Variants in TMIGD3 observed in about 807,000 individuals in gnomAD.
TMIGD3 encodes the protein transmembrane and immunoglobulin domain containing 3, also known as AD026 protein (AD026).
In TMIGD3, 21 loss-of-function variants were observed where a neutral mutation model predicts 28.1. The observed-to-expected ratio is 0.75, with a 90% CI of 0.53 to 1.08. TMIGD3 has a LOEUF of 1.08. Among genes scored for constraint, TMIGD3 ranks in the 50% least tolerant of loss-of-function variants. TMIGD3 has a pLI of 0.00. For synonymous variants in TMIGD3, 151 were observed against 162.1 expected (o/e 0.93, Z 0.52); for missense variants, 416 against 435.6 (o/e 0.96, Z 0.40).
chr1:111,516,061 T>G (rs932907681), intron 1 of TMIGD3, among the ~76,000 whole-genome samples: 1 of 152,244 alleles, frequency 6.6e-6, no homozygotes, highest in Non-Finnish European at 1.5e-5. Flanking sequence ...AACCCCGTCA[T>G]GAGAGCAATT....
chr1:111,486,736 T>C, intron 3 of TMIGD3, 84 bp from the exon 4 acceptor site: 3 of 1,161,762 alleles, frequency 2.6e-6, no homozygotes, highest in Non-Finnish European at 2.6e-6. Flanking sequence ...CTGCCTGTCA[T>C]TCTATGTCCA....
chr1:111,539,749 T>C (rs1656754929), intron 1 of TMIGD3, among the ~76,000 whole-genome samples: 1 of 152,154 alleles, frequency 6.6e-6, no homozygotes, highest in Non-Finnish European at 1.5e-5. Context: ...ATATTGCAGG[T>C]TAATTTATGT....
Position 111,561,306 on chromosome 1 carries a change from T to C in TMIGD3, c.107+2540A>G, listed in dbSNP as rs574225859. ...GCCTGGCTAATTTTTGTATTTTTTG[T>C]AAAGACGGGGTTTTGCCATGTTTCC... On this transcript the variant is annotated intron_variant, in intron 1 of 5. Transcript: ENST00000369717. Among the ~76,000 whole-genome samples, 7 of 152,294 alleles carry C rather than the reference T, an allele frequency of 4.6e-5. No homozygotes were observed. The East Asian group carries it at 1.3e-3, about 29-fold the overall frequency.
chr1:111,505,786 C>T (rs1449115588), upstream of TMIGD3, among the ~76,000 whole-genome samples: 1 of 152,178 alleles, frequency 6.6e-6, no homozygotes, highest in Non-Finnish European at 1.5e-5. Context: ...CACGCCAGAG[C>T]TCCATGCCCA....
At chr1:111,538,762 GGC>G (rs892946843) in intron 1 of TMIGD3, among the ~76,000 whole-genome samples, 3 of 152,204 alleles carry the variant, frequency 2.0e-5, no homozygotes, top group African/African-American at 7.2e-5. Flanking sequence ...CGGGGCCTCT[GGC>G]ATTGCTCCAG....
chr1:111,495,333 A>T (rs554517110), intron 1 of TMIGD3, among the ~76,000 whole-genome samples: 54 of 152,342 alleles, frequency 3.5e-4, no homozygotes, highest in African/African-American at 1.2e-3. Context: ...AAAAGAAGAC[A>T]TACATGTGGC....
chr1:111,498,946 AGCT>A (rs77767378), intron 1 of TMIGD3, among the ~76,000 whole-genome samples: 36,320 of 151,806 alleles, frequency 0.24, 5,041 homozygotes, highest in African/African-American at 0.39. Flanking sequence ...TAAACAAATT[AGCT>A]GGGCTTGATG....
At chr1:111,563,436 A>G (rs1657826445) in intron 1 of TMIGD3, among the ~76,000 whole-genome samples, 1 of 152,230 alleles carries the variant, frequency 6.6e-6, no homozygotes, top group Non-Finnish European at 1.5e-5. Context: ...TAAGTTCTCC[A>G]AGGCCAGATT....
intron 1 of TMIGD3, among the ~76,000 whole-genome samples, chr1:111,532,450 T>C (rs1388373197): frequency 6.6e-6 from 1 of 152,202 alleles, no homozygotes. Flanking sequence ...TGAATGGCTG[T>C]TCTTGGACTT....
At chr1:111,527,926 C>A (rs1156504270) in intron 1 of TMIGD3, among the ~76,000 whole-genome samples, 1 of 152,050 alleles carries the variant, frequency 6.6e-6, no homozygotes, top group Non-Finnish European at 1.5e-5. Flanking sequence ...ATGTCTTTTG[C>A]AAAAATTATC....
intron 1 of TMIGD3, among the ~76,000 whole-genome samples, chr1:111,502,490 A>AGGATACATATATT: frequency 6.9e-6 from 1 of 144,762 alleles, no homozygotes; most frequent in East Asian, 2.0e-4. Flanking sequence ...AAATATATAT[A>AGGATACATATATT]TATTGGAATA....
intron 1 of TMIGD3, among the ~76,000 whole-genome samples, chr1:111,546,126 T>C (rs1414897121): frequency 6.6e-6 from 1 of 152,168 alleles, no homozygotes; most frequent in Non-Finnish European, 1.5e-5. Context: ...ACATGGATTT[T>C]AGGATCTGCT....
intron 1 of TMIGD3, among the ~76,000 whole-genome samples, chr1:111,559,301 A>G (rs973034030): frequency 3.3e-5 from 5 of 152,204 alleles, no homozygotes; most frequent in African/African-American, 1.2e-4. Flanking sequence ...ACAGATTCAA[A>G]GAATTGGAAG....
chr1:111,543,973 T>A (rs546414550), intron 1 of TMIGD3, among the ~76,000 whole-genome samples: 8 of 152,300 alleles, frequency 5.3e-5, no homozygotes, highest in Admixed American at 5.2e-4. Context: ...TGTTGAAGGT[T>A]TCTAAATTTT....
intron 1 of TMIGD3, among the ~76,000 whole-genome samples, chr1:111,540,685 A>G (rs1210799204): frequency 2.6e-5 from 4 of 152,206 alleles, no homozygotes; most frequent in Non-Finnish European, 5.9e-5. Flanking sequence ...CAGAGACTGG[A>G]TAATCACATC....
At chr1:111,486,547 C>G in intron 4 of TMIGD3, 39 bp downstream of exon 4, 1 of 1,513,282 alleles carries the variant, frequency 6.6e-7, no homozygotes, top group Non-Finnish European at 9.2e-7. Context: ...CTCCACCCCA[C>G]CGCCCCAAGC....
At chr1:111,562,750 A>G (rs575723109) in intron 1 of TMIGD3, among the ~76,000 whole-genome samples, 38 of 152,364 alleles carry the variant, frequency 2.5e-4, no homozygotes, top group African/African-American at 9.1e-4. Context: ...TCAGGAGGCC[A>G]TACACCTTTC....
At chr1:111,543,002 T>C (rs1215453291) in intron 1 of TMIGD3, among the ~76,000 whole-genome samples, 1 of 152,200 alleles carries the variant, frequency 6.6e-6, no homozygotes, top group Non-Finnish European at 1.5e-5. Context: ...CGCCCGGCCA[T>C]GTATTTGTTT....
chr1:111,528,854 T>C (rs928921052), intron 1 of TMIGD3, among the ~76,000 whole-genome samples: 3 of 152,076 alleles, frequency 2.0e-5, no homozygotes, highest in Non-Finnish European at 1.5e-5. Flanking sequence ...ACTTTTGTAA[T>C]ATTCACCTTG....
Sources: gnomAD v4.1 joint callset for allele counts (sites outside exome capture counted in the v4.1 genomes callset) on GRCh38, gnomAD v4.1.1 for gene constraint, MANE v1.5 for transcripts, NCBI Gene and HGNC (gene_info 2026-07-23, HGNC 2026-07-21) for gene names.